The following MXRA5 variants were observed in gnomAD, a reference collection of about 807,000 sequenced individuals.
MXRA5 encodes matrix-remodeling-associated protein 5.
In MXRA5, 41 loss-of-function variants were observed where a neutral mutation model predicts 112.5. That is an observed-to-expected ratio of 0.36 (90% CI 0.28 to 0.47). The LOEUF is 0.47. Ranked by LOEUF, MXRA5 falls within the 20% of genes least tolerant of loss-of-function variation. The probability of loss-of-function intolerance (pLI) is 0.99; values close to 1 mark genes in which losing one functional copy is unlikely to be tolerated. For synonymous variants in MXRA5, 862 were observed against 900.8 expected, an observed-to-expected ratio of 0.96 and a Z score of 0.77; for missense variants, 2,150 against 2,251.0, an observed-to-expected ratio of 0.96 and a Z score of 0.91.
chrX:3,338,338 G>T lies in MXRA5; in HGVS notation c.188+5308C>A, dbSNP rs149519884. On this transcript the variant is annotated intron_variant, in intron 2 of 6. Transcript: ENST00000217939. ...TTGTTGATAACTATTGTCATAGATA[G>T]ATGATAGATAGATAGATAGGCAGAC... Among the ~76,000 whole-genome samples the T allele has an allele frequency of 9.5e-3, 1,064 of 111,514 alleles. 3 individuals carry two copies. Among genetic ancestry groups the T allele is most frequent in the Non-Finnish European group, 0.016 (862 of 53,158 alleles).
At chrX:3,311,664 C>A (rs1386007404) in intron 6 of MXRA5, 40 bp from the exon 7 acceptor site, 2 of 1,111,948 alleles carry the variant, frequency 1.8e-6, no homozygotes. Flanking sequence ...GTCAGTTTCC[C>A]AAATGCTCTA....
Position 3,317,505 on chromosome X carries a change from A to T in MXRA5, c.6176T>A (p.Leu2059Gln). Residue 2059 changes from leucine to glutamine, a missense_variant, in exon 6 of 7, where the codon CTG (leucine) becomes CAG (glutamine). Around this residue, in one of 6 missense-constraint regions of MXRA5, gnomAD observed 1,485 missense variants for 1,471.6 expected, o/e 1.01. Transcript: ENST00000217939. ...IHQEKLENIS[L>Q]PPGLSIHIHC... ...AATGTGAATGCTGAGCCCCGGGGGC[A>T]GCGAGATGTTCTCCAGCTTCTCCTG... The T allele has an allele frequency of 8.3e-7, 1 of 1,199,605 alleles. No homozygotes were observed. The highest frequency in any genetic ancestry group is 1.1e-6 in the Non-Finnish European group (1 of 889,718).
intron 6 of MXRA5, among the ~76,000 whole-genome samples, chrX:3,316,268 A>G (rs111601760): frequency 1.1e-5 from 1 of 87,438 alleles, no homozygotes; most frequent in East Asian, 3.5e-4. Flanking sequence ...GAGCCAAGAT[A>G]GTGCCACTGC....
At chrX:3,325,476 A>G (rs1314465406) in intron 4 of MXRA5, among the ~76,000 whole-genome samples, 1 of 105,770 alleles carries the variant, frequency 9.5e-6, no homozygotes, top group Admixed American at 1.1e-4. Flanking sequence ...CTATCTCAAT[A>G]TATACAAATA....
Position 3,317,213 on chromosome X carries a change from C to G in MXRA5, c.6468G>C (p.Thr2156=), listed in dbSNP as rs139793286. Residue 2156 remains threonine, a synonymous_variant, in exon 6 of 7, where the codon ACG becomes ACC. Transcript: ENST00000217939. The stretch of plus-strand genomic sequence containing the variant: ...TGAGGGTTCCTCCGTACCTGACGTC[C>G]GTCCTCCGCGGGGAGGTGCCCGTGA... The part of the protein sequence containing the change: ...ARITGTSPRR[T]DVRYGGTLKL... 3.4e-3 allele frequency: 4,062 copies of G among 1,209,799 alleles called. 97 individuals are homozygous for G. The African/African-American group carries it at 0.06, about 18-fold the overall frequency.
intron 2 of MXRA5, among the ~76,000 whole-genome samples, chrX:3,340,842 C>T (rs1186004426): frequency 9.7e-6 from 1 of 103,184 alleles, no homozygotes; most frequent in Non-Finnish European, 2.0e-5. Context: ...AACAAATCAC[C>T]TCTTTGGGGA....
Position 3,323,288 on chromosome X carries a change from T to G in MXRA5, c.2397A>C (p.Thr799=). 8.3e-7 allele frequency: 1 copy of G among 1,211,890 alleles called. No individual in the cohort carries two copies. The highest frequency in any genetic ancestry group is 1.1e-6 in the Non-Finnish European group (1 of 895,497). Reference sequence around the variant, plus strand: ...TGGTTTTAATCAATGGGGGTACTTCTGTGCCCTTAGGGAGATTTTTCCCAC... The same window carrying G: ...TGGTTTTAATCAATGGGGGTACTTCGGTGCCCTTAGGGAGATTTTTCCCAC... The part of the protein sequence containing the change: ...KVRGKNLPKG[T]EVPPLIKTTS... The change falls in exon 5 of 7, where the codon ACA becomes ACC. Residue 799 remains threonine, a synonymous_variant. Transcript: ENST00000217939.
chrX:3,320,938 T>C lies in MXRA5; in HGVS notation c.4747A>G (p.Ser1583Gly). The change falls in exon 5 of 7, where the codon AGT becomes GGT. Residue 1583 changes from serine (S) to glycine (G), a missense_variant. Ser to Gly is a moderately conservative substitution (Grantham distance 56). Coordinates refer to ENST00000217939, the MANE Select transcript of MXRA5 (RefSeq NM_015419.4). The part of the protein sequence containing the change: ...KLELEKQVFG[S>G]RSLPRGPDSQ... ...TCTGGGCCACGTGGTAGACTCCTAC[T>C]ACCAAATACTTGCTTTTCCAATTCC... 8.3e-7 allele frequency: 1 copy of C among 1,211,891 alleles called. No individual in the cohort carries two copies. Among genetic ancestry groups the C allele is most frequent in the South Asian group, 1.8e-5 (1 of 56,981 alleles).
At chrX:3,341,248 A>G (rs1258943028) in intron 2 of MXRA5, among the ~76,000 whole-genome samples, 2 of 47,970 alleles carry the variant, frequency 4.2e-5, no homozygotes, top group Non-Finnish European at 6.9e-5. Context: ...ATAATTATAT[A>G]TATAATATAT....
rs764679864 is a variant in MXRA5, at chrX:3,317,393, G to A, written c.6288C>T (p.His2096=). 1.7e-6 allele frequency: 2 copies of A among 1,207,354 alleles called. No individual in the cohort carries two copies. Among genetic ancestry groups the A allele is most frequent in the East Asian group, 3.0e-5 (1 of 33,631 alleles). ...CGTTGGGGAAAACAAACAAGTTCCCGTGGAGGAACTGCGAGGGGCGGATCT... is the reference window on the plus strand; with the variant it reads ...CGTTGGGGAAAACAAACAAGTTCCCATGGAGGAACTGCGAGGGGCGGATCT... ...GTQIRPSQFL[H]GNLFVFPNGT... Residue 2096 remains histidine (H), a synonymous_variant, in exon 6 of 7, where the codon CAC becomes CAT. Coordinates refer to ENST00000217939, the MANE Select transcript of MXRA5 (RefSeq NM_015419.4).
chrX:3,337,854 C>T (rs1054808866), intron 2 of MXRA5, among the ~76,000 whole-genome samples: 1 of 111,485 alleles, frequency 9.0e-6, no homozygotes, highest in Admixed American at 9.6e-5. Context: ...GGAATGAGGA[C>T]AAACTTGGGG....
chrX:3,317,252 T>TGCTGCAC lies in MXRA5; in HGVS notation c.6422_6428dup (p.Ala2144CysfsTer54), dbSNP rs1569181889. On this transcript the variant is annotated frameshift_variant, in exon 6 of 7. Coordinates refer to ENST00000217939, the MANE Select transcript of MXRA5 (RefSeq NM_015419.4). LOFTEE classifies it high-confidence loss of function. ...AGGTGCCCGTGATGCGCGCGTTGGC[T>TGCTGCAC]GCTGCACGCTGCACGTTCAGCTGCA... The TGCTGCAC allele has an allele frequency of 1.7e-6, 2 of 1,210,465 alleles. No homozygotes were observed. The highest frequency in any genetic ancestry group is 2.2e-6 in the Non-Finnish European group (2 of 894,967).
chrX:3,313,374 C>T (rs1408345294), intron 6 of MXRA5, among the ~76,000 whole-genome samples: 1 of 112,490 alleles, frequency 8.9e-6, no homozygotes, highest in South Asian at 3.7e-4. Context: ...ATTCTCCTGC[C>T]TCAGCCTTCC....
chrX:3,315,628 C>A (rs1283454962), intron 6 of MXRA5, among the ~76,000 whole-genome samples: 1 of 110,008 alleles, frequency 9.1e-6, no homozygotes, highest in African/African-American at 3.3e-5. Context: ...TGTCTTGGGG[C>A]AAAATCACCC....
chrX:3,334,768 A>C (rs1447890545), intron 2 of MXRA5, among the ~76,000 whole-genome samples: 1 of 112,214 alleles, frequency 8.9e-6, no homozygotes, highest in Non-Finnish European at 1.9e-5. Context: ...AGAGACACTC[A>C]AATGACCAAT....
In MXRA5 at chrX:3,322,568, G is replaced by T. The variant is rs771216677; in HGVS notation, c.3117C>A (p.Asp1039Glu). ...GACTACTTTTCACAAGGTGGATGTT[G>T]TCTGTCAGTCCTTGTAGATGTGATT... ...PGQSHLQGLT[D>E]NIHLVKSSLS... is the part of the protein sequence containing the mutation. The change falls in exon 5 of 7, where the codon GAC becomes GAA. Residue 1039 changes from aspartate to glutamate, a missense_variant. Physicochemically the swap from Asp to Glu is conservative, Grantham distance 45. Around this residue, in one of 6 missense-constraint regions of MXRA5, gnomAD observed 1,485 missense variants for 1,471.6 expected, o/e 1.01. Transcript: ENST00000217939. 6.2e-5 allele frequency: 75 copies of T among 1,209,940 alleles called. 1 individual carries two copies. The South Asian group carries it at 1.2e-3, about 19-fold the overall frequency.
chrX:3,320,070 A>G lies in MXRA5; in HGVS notation c.5615T>C (p.Val1872Ala). Reference sequence around the variant, plus strand: ...TTTTCCTGTTGCCTCACAGGGGAACACAGTGTCTGTCTCAGCGGTGACGGA... The same window carrying G: ...TTTTCCTGTTGCCTCACAGGGGAACGCAGTGTCTGTCTCAGCGGTGACGGA... ...TVSVTAETDT[V>A]FPCEATGKPK... The change falls in exon 5 of 7, where the codon GTG becomes GCG. Residue 1872 changes from valine to alanine, a missense_variant. By Grantham distance (64) the Val-to-Ala change is moderately conservative. This residue lies in a region of MXRA5 where 1,485 missense variants were observed against 1,471.6 expected (regional missense o/e 1.01). Transcript: ENST00000217939. The G allele has an allele frequency of 8.3e-7, 1 of 1,211,567 alleles. No individual in the cohort carries two copies. Among genetic ancestry groups the G allele is most frequent in the Non-Finnish European group, 1.1e-6 (1 of 895,455 alleles).
At chrX:3,341,552 TAA>T (rs1391803670) in intron 2 of MXRA5, among the ~76,000 whole-genome samples, 2 of 33,682 alleles carry the variant, frequency 5.9e-5, no homozygotes, top group African/African-American at 4.8e-4. Context: ...ATAATATATA[TAA>T]TATATATTAT....
intron 6 of MXRA5, among the ~76,000 whole-genome samples, chrX:3,313,290 C>G (rs1391162238): frequency 1.8e-5 from 2 of 112,223 alleles, no homozygotes; most frequent in Admixed American, 1.9e-4. Context: ...GATGGAGTCT[C>G]GCTCTGTCAC....
Sources: gnomAD v4.1 joint callset for allele counts (sites outside exome capture counted in the v4.1 genomes callset) on GRCh38, gnomAD v4.1.1 for gene constraint, gnomAD v4.1.1 regional missense constraint, MANE v1.5 for transcripts, NCBI Gene and HGNC (gene_info 2026-07-23, HGNC 2026-07-21) for gene names.